CNTNAP3B: variants seen among roughly 807,000 people sequenced by gnomAD.
CNTNAP3B encodes contactin associated protein family member 3B, also known as contactin-associated protein-like 3B.
Under a neutral mutation model 108.9 loss-of-function variants are expected in CNTNAP3B, and 25 were observed. That is an observed-to-expected ratio of 0.23 (90% confidence interval 0.17 to 0.32). The LOEUF is 0.32. Ranked by LOEUF, CNTNAP3B falls within the 10% of genes least tolerant of loss-of-function variation. CNTNAP3B has a pLI of 1.00. For synonymous variants in CNTNAP3B, 103 were observed against 473.4 expected (o/e 0.22, Z 10.16); for missense variants, 252 against 1,210.4 (o/e 0.21, Z 11.75).
chr9:42,035,898 C>T (rs1479953512), intron 3 of CNTNAP3B, among the ~76,000 whole-genome samples: 2 of 141,872 alleles, frequency 1.4e-5, no homozygotes, highest in South Asian at 2.2e-4. Flanking sequence ...CTCCTGACCT[C>T]GGAGTTCGAG....
intron 10 of CNTNAP3B, among the ~76,000 whole-genome samples, chr9:41,966,729 A>G (rs1244985334): frequency 6.6e-6 from 1 of 152,234 alleles, no homozygotes; most frequent in African/African-American, 2.4e-5. Context: ...GAACTTTGGG[A>G]GGCTGACGCG....
chr9:42,111,532 T>C (rs1828193512), intron 1 of CNTNAP3B, among the ~76,000 whole-genome samples: 1 of 138,150 alleles, frequency 7.2e-6, no homozygotes, highest in Admixed American at 7.2e-5. Context: ...AGGCCAGTTG[T>C]AGATGAAAAT....
intron 13 of CNTNAP3B, among the ~76,000 whole-genome samples, chr9:41,941,051 C>T (rs1444397477): frequency 4.7e-5 from 7 of 149,490 alleles, no homozygotes; most frequent in African/African-American, 1.2e-4. Context: ...AACTGTAATA[C>T]CATATGATAC....
chr9:41,966,200 C>G (rs1356654294), intron 10 of CNTNAP3B, among the ~76,000 whole-genome samples: 34 of 152,298 alleles, frequency 2.2e-4, no homozygotes, highest in Admixed American at 1.3e-4. Flanking sequence ...CCCTCCTCCC[C>G]TTCCTTCTTA....
At chr9:42,110,893 G>T (rs1482750744) in intron 1 of CNTNAP3B, among the ~76,000 whole-genome samples, 1 of 140,056 alleles carries the variant, frequency 7.1e-6, no homozygotes, top group Non-Finnish European at 1.5e-5. Context: ...TATCTAGAGG[G>T]AATGCTTCGG....
chr9:42,075,925 C>T (rs1489031318), intron 3 of CNTNAP3B, among the ~76,000 whole-genome samples: 1 of 135,484 alleles, frequency 7.4e-6, no homozygotes, highest in Non-Finnish European at 1.6e-5. Flanking sequence ...ATGGTGCGAT[C>T]TCTGCTCACT....
rs1339197317 is a variant in CNTNAP3B, at chr9:42,115,497, G to A, written c.86-10758C>T. Among the ~76,000 whole-genome samples the A allele has an allele frequency of 1.4e-5, 2 of 139,436 alleles. 1 individual carries two copies. Among genetic ancestry groups the A allele is most frequent in the African/African-American group, 5.7e-5 (2 of 35,234 alleles). The allele number at this position is 139,436 out of a possible 152,430, so 91.5% of individuals were successfully genotyped here. On this transcript the variant is annotated intron_variant, in intron 1 of 23. Coordinates refer to ENST00000377561, the MANE Select transcript of CNTNAP3B (RefSeq NM_001201380.3). ...TGACTGACACCGCATACAGCCAGGT[G>A]CCCCTCTGAGACGAAGCTTCCAGAG...
chr9:42,088,514 CTT>C (rs1237708797), intron 2 of CNTNAP3B, among the ~76,000 whole-genome samples: 1 of 138,824 alleles, frequency 7.2e-6, no homozygotes, highest in Admixed American at 7.2e-5. Flanking sequence ...GAAGCATACT[CTT>C]TGCGTAAGTA....
chr9:42,037,430 C>A (rs1826655602), intron 3 of CNTNAP3B, among the ~76,000 whole-genome samples: 1 of 129,278 alleles, frequency 7.7e-6, no homozygotes, highest in Non-Finnish European at 1.6e-5. Context: ...GTAGAGAAGT[C>A]CTTAAATGAC....
chr9:42,079,713 G>C (rs1827571889), intron 2 of CNTNAP3B, among the ~76,000 whole-genome samples: 1 of 137,274 alleles, frequency 7.3e-6, no homozygotes, highest in Non-Finnish European at 1.6e-5. Context: ...GTAGAGACGG[G>C]GTTTCACCAC....
At chr9:41,956,260 C>A (rs1242892942) in intron 12 of CNTNAP3B, among the ~76,000 whole-genome samples, 1 of 151,702 alleles carries the variant, frequency 6.6e-6, no homozygotes, top group African/African-American at 2.4e-5. Flanking sequence ...GTGGCACATG[C>A]CTGTAGTCCC....
At chr9:41,947,907 C>G (rs1824571106) in intron 13 of CNTNAP3B, among the ~76,000 whole-genome samples, 1 of 152,080 alleles carries the variant, frequency 6.6e-6, no homozygotes, top group Non-Finnish European at 1.5e-5. Flanking sequence ...CACAAATCAA[C>G]TTGACAATTC....
chr9:41,981,790 C>A (rs74602574), intron 9 of CNTNAP3B, among the ~76,000 whole-genome samples: 1 of 39,764 alleles, frequency 2.5e-5, no homozygotes, highest in Non-Finnish European at 5.1e-5. Context: ...CAGTGGCTCA[C>A]GCCTATAATC....
At chr9:41,945,992 A>C (rs1325280065) in intron 13 of CNTNAP3B, among the ~76,000 whole-genome samples, 2 of 152,292 alleles carry the variant, frequency 1.3e-5, no homozygotes, top group African/African-American at 2.4e-5. Context: ...AGAGATGAAA[A>C]AGGGCATTAC....
intron 13 of CNTNAP3B, among the ~76,000 whole-genome samples, chr9:41,948,131 G>A (rs1340050134): frequency 5.3e-5 from 8 of 149,916 alleles, no homozygotes; most frequent in African/African-American, 2.0e-4. Context: ...TCGTTCTGTT[G>A]TCCAGGCTGG....
At position 42,066,255 on chromosome 9, in the gene CNTNAP3B, C is replaced by T. The variant is rs377348922; in HGVS notation, c.390+10614G>A. Among the ~76,000 whole-genome samples, 13 of 133,482 alleles carry T rather than the reference C, an allele frequency of 9.7e-5. 2 individuals carry two copies. The highest frequency in any genetic ancestry group is 3.0e-4 in the African/African-American group (10 of 33,436). The allele number at this position is 133,482 out of a possible 152,430, so 87.6% of individuals were successfully genotyped here. On this transcript the variant is annotated intron_variant, in intron 3 of 23. Transcript: ENST00000377561. ...CCTTTCTTTTCCCATGTAGCTTGTA[C>T]ATTTCTTACCCCTCTCCTGCCTGCC...
chr9:41,995,689 A>T (rs1245029585), intron 7 of CNTNAP3B, among the ~76,000 whole-genome samples: 2 of 121,142 alleles, frequency 1.7e-5, no homozygotes, highest in Non-Finnish European at 3.4e-5. Flanking sequence ...CAAGATCGTG[A>T]CACTGCACTC....
intron 3 of CNTNAP3B, among the ~76,000 whole-genome samples, chr9:42,015,042 T>TC (rs1298136982): frequency 4.2e-5 from 1 of 24,060 alleles, no homozygotes; most frequent in African/African-American, 1.0e-4. Context: ...TTTTTTTTTT[T>TC]TTTCTGAGAC....
chr9:41,947,221 T>C (rs897910204), intron 13 of CNTNAP3B, among the ~76,000 whole-genome samples: 14 of 151,538 alleles, frequency 9.2e-5, no homozygotes, highest in Admixed American at 6.6e-4. Flanking sequence ...CATTTTTTTT[T>C]CAAATGCCCA....
Sources: allele counts gnomAD v4.1 joint callset (sites outside exome capture counted in the v4.1 genomes callset), GRCh38; gene constraint gnomAD v4.1.1; transcripts MANE v1.5; gene names NCBI Gene and HGNC (gene_info 2026-07-23, HGNC 2026-07-21).